Variants in NCKAP5 observed in about 807,000 individuals in gnomAD.
NCKAP5 encodes the protein nck-associated protein 5.
A neutral mutation model predicts 167.0 loss-of-function variants in NCKAP5; 92 were observed. The observed-to-expected ratio is 0.55, with a 90% CI of 0.47 to 0.66. NCKAP5 has a LOEUF of 0.66. Among genes scored for constraint, NCKAP5 ranks in the 30% least tolerant of loss-of-function variants. The pLI is 0.00. For synonymous variants in NCKAP5, 891 were observed against 877.4 expected, an observed-to-expected ratio of 1.02 and a Z score of -0.27; for missense variants, 2,378 against 2,315.0, an observed-to-expected ratio of 1.03 and a Z score of -0.56.
At chr2:133,355,323 C>T (rs1032858298) in intron 3 of NCKAP5, among the ~76,000 whole-genome samples, 15 of 152,104 alleles carry the variant, frequency 9.9e-5, no homozygotes, top group Non-Finnish European at 1.8e-4. Flanking sequence ...ACTTTATATG[C>T]AAATAAAATG....
intron 2 of NCKAP5, 25 bp from the exon 3 acceptor site, chr2:133,517,612 A>C: frequency 1.2e-6 from 1 of 841,276 alleles, no homozygotes; most frequent in Non-Finnish European, 1.8e-6. Flanking sequence ...CATGTGTTTT[A>C]CTATCCAAGT....
chr2:132,929,004 T>C (rs1272514365), intron 8 of NCKAP5, among the ~76,000 whole-genome samples: 2 of 137,550 alleles, frequency 1.5e-5, no homozygotes, highest in African/African-American at 2.8e-5. Context: ...CAAAACAAAA[T>C]TAGCTGCACA....
intron 5 of NCKAP5, among the ~76,000 whole-genome samples, chr2:133,189,781 A>T (rs902562228): frequency 6.6e-6 from 1 of 152,210 alleles, no homozygotes; most frequent in South Asian, 2.1e-4. Context: ...CCTCAAAATA[A>T]TAAGAGCTAT....
chr2:133,049,016 C>T (rs1559086521), intron 6 of NCKAP5, among the ~76,000 whole-genome samples: 1 of 152,152 alleles, frequency 6.6e-6, no homozygotes, highest in Non-Finnish European at 1.5e-5. Context: ...AACCAGAACT[C>T]CACTTCCATT....
the NCKAP5 span, among the ~76,000 whole-genome samples, chr2:133,650,714 C>T: frequency 1.5e-3 from 216 of 148,186 alleles, 6 homozygotes; most frequent in South Asian, 0.028. Flanking sequence ...ATCTCTGGAG[C>T]GAGAAAAAAA....
At chr2:133,506,488 C>A (rs1359105463) in intron 3 of NCKAP5, among the ~76,000 whole-genome samples, 1 of 152,154 alleles carries the variant, frequency 6.6e-6, no homozygotes, top group Non-Finnish European at 1.5e-5. Context: ...CAATTGGGTT[C>A]AGCCAGTGGA....
intron 6 of NCKAP5, among the ~76,000 whole-genome samples, chr2:133,044,394 T>C (rs1177419500): frequency 6.6e-6 from 1 of 151,468 alleles, no homozygotes; most frequent in Non-Finnish European, 1.5e-5. Context: ...CAACAAACAA[T>C]CCAAGGAAAA....
At chr2:133,634,889 A>G in the NCKAP5 span, among the ~76,000 whole-genome samples, 2 of 148,172 alleles carry the variant, frequency 1.3e-5, no homozygotes, top group Non-Finnish European at 3.0e-5. Context: ...TTTTTTTTAG[A>G]CAGAGTCTCA....
At chr2:132,775,976 G>C (rs1331406276) in intron 15 of NCKAP5, among the ~76,000 whole-genome samples, 1 of 152,168 alleles carries the variant, frequency 6.6e-6, no homozygotes, top group African/African-American at 2.4e-5. Flanking sequence ...TGAAATTCTA[G>C]ATGAAAGAAT....
At chr2:133,476,665 G>C (rs1006717652) in intron 3 of NCKAP5, among the ~76,000 whole-genome samples, 8 of 152,154 alleles carry the variant, frequency 5.3e-5, no homozygotes, top group African/African-American at 1.9e-4. Flanking sequence ...TTAAAAGAAA[G>C]AAATTAGGCA....
At position 132,712,378 on chromosome 2, in the gene NCKAP5, G is replaced by A. The variant is rs192983871; in HGVS notation, c.5713+13249C>T. On this transcript the variant is annotated intron_variant, in intron 19 of 19. Transcript: ENST00000409261. ...AACTATGTTGGGATTCAGGCCTGGC[G>A]GGGTGGCTCACTCCTGTAATCCCAG... Among the ~76,000 whole-genome samples, 1,047 of 152,166 alleles carry A rather than the reference G, an allele frequency of 6.9e-3. 12 individuals are homozygous for A. The highest frequency in any genetic ancestry group is 0.022 in the African/African-American group (915 of 41,500).
intron 6 of NCKAP5, among the ~76,000 whole-genome samples, chr2:133,047,155 C>A (rs1204936236): frequency 1.3e-5 from 2 of 152,202 alleles, no homozygotes; most frequent in African/African-American, 4.8e-5. Context: ...CCTCACCACG[C>A]AGACTACTTT....
chr2:133,401,036 G>A (rs1688065439), intron 3 of NCKAP5, among the ~76,000 whole-genome samples: 1 of 152,168 alleles, frequency 6.6e-6, no homozygotes, highest in African/African-American at 2.4e-5. Flanking sequence ...GATGGGACCT[G>A]GTTGCTAGAG....
At chr2:133,377,720 G>C (rs531968848) in intron 3 of NCKAP5, among the ~76,000 whole-genome samples, 1 of 152,164 alleles carries the variant, frequency 6.6e-6, no homozygotes, top group Admixed American at 6.5e-5. Context: ...GTGACATTTA[G>C]AACAAAGGTG....
intron 8 of NCKAP5, among the ~76,000 whole-genome samples, chr2:132,947,710 G>A (rs1421744115): frequency 6.6e-6 from 1 of 152,094 alleles, no homozygotes; most frequent in Non-Finnish European, 1.5e-5. Context: ...CCCTCCAGGA[G>A]CCCACCGTAG....
intron 4 of NCKAP5, among the ~76,000 whole-genome samples, chr2:133,252,069 C>T (rs113471727): frequency 1.1e-3 from 162 of 152,248 alleles, no homozygotes; most frequent in African/African-American, 3.7e-3. Flanking sequence ...ATTGGAACTG[C>T]ATAAGGTAAG....
At chr2:133,626,232 T>G in the NCKAP5 span, among the ~76,000 whole-genome samples, 21 of 151,512 alleles carry the variant, frequency 1.4e-4, no homozygotes, top group Non-Finnish European at 2.7e-4. Context: ...AAAGACATCC[T>G]GATGATATGT....
At chr2:133,318,946 C>T (rs980632076) in intron 3 of NCKAP5, among the ~76,000 whole-genome samples, 1 of 152,160 alleles carries the variant, frequency 6.6e-6, no homozygotes, top group African/African-American at 2.4e-5. Context: ...GCATTGTTAA[C>T]ATCACCTGCA....
At chr2:132,820,695 T>C (rs1238921855) in intron 11 of NCKAP5, among the ~76,000 whole-genome samples, 1 of 152,244 alleles carries the variant, frequency 6.6e-6, no homozygotes. Context: ...CACATCCTTT[T>C]AAATGGGAAG....
Sources: allele counts gnomAD v4.1 joint callset (sites outside exome capture counted in the v4.1 genomes callset), GRCh38; gene constraint gnomAD v4.1.1; transcripts MANE v1.5; gene names NCBI Gene and HGNC (gene_info 2026-07-23, HGNC 2026-07-21).